The following SNX18 variants were observed in gnomAD, a reference collection of about 807,000 sequenced individuals.
SNX18 encodes the protein sorting nexin 18.
SNX18 carries 35 observed loss-of-function variants against 48.7 expected under a neutral mutation model. The observed-to-expected ratio is 0.72, with a 90% CI of 0.55 to 0.95. The LOEUF (loss-of-function observed/expected upper bound fraction) is 0.95. SNX18 is among the 40% of genes least tolerant of loss of function. SNX18 has a pLI of 0.00. For missense variants in SNX18, 824 were observed against 871.0 expected, an observed-to-expected ratio of 0.95 and a Z score of 0.68; for synonymous variants, 492 against 384.7, an observed-to-expected ratio of 1.28 and a Z score of -3.26.
rs763997720 is a variant in SNX18 at position 54,518,431 on chromosome 5, A to G, written c.479A>G (p.Asp160Gly). The G allele has an allele frequency of 6.3e-7, 1 of 1,580,792 alleles. No individual in the cohort carries two copies. Among genetic ancestry groups the G allele is most frequent in the African/African-American group, 1.4e-5 (1 of 73,800 alleles). Reference protein sequence around the residue: ...SDDDWDDEWDDSSTVADEPGA... With the variant: ...SDDDWDDEWDGSSTVADEPGA... ...GATGACTGGGACGACGAGTGGGACG[A>G]CAGCTCCACGGTGGCGGACGAGCCG... Residue 160 changes from aspartate to glycine, a missense_variant, in exon 1 of 2, where the codon GAC (aspartate) becomes GGC (glycine). Coordinates refer to ENST00000381410, the MANE Select transcript of SNX18 (RefSeq NM_001102575.2).
At chr5:54,525,029 G>T (rs148124245) in intron 1 of SNX18, among the ~76,000 whole-genome samples, 54 of 152,362 alleles carry the variant, frequency 3.5e-4, no homozygotes, top group Admixed American at 8.5e-4. Flanking sequence ...GAGCCTCATC[G>T]CAGTGGGAGC....
the SNX18 span, among the ~76,000 whole-genome samples, chr5:54,578,459 C>T: frequency 6.6e-6 from 1 of 152,198 alleles, no homozygotes; most frequent in Non-Finnish European, 1.5e-5. Flanking sequence ...AGTGGCTCTG[C>T]CTCCAAGGAA....
rs1338799555 is a variant in SNX18 at position 54,543,529 on chromosome 5, T to C, written c.*97T>C. On this transcript the variant is annotated 3_prime_UTR_variant, in exon 2 of 2. Transcript: ENST00000381410. ...AAGAGCTATTGCCAGCTATCAGTGGTGGTACAAGGACGGTTTTGTGTTCAT... is the reference window on the plus strand; with the variant it reads ...AAGAGCTATTGCCAGCTATCAGTGGCGGTACAAGGACGGTTTTGTGTTCAT... 1.4e-6 allele frequency: 2 copies of C among 1,451,826 alleles called. No homozygotes were observed. The highest frequency in any genetic ancestry group is 1.9e-6 in the Non-Finnish European group (2 of 1,066,876). The allele number at this position is 1,451,826 out of a possible 1,614,324, so 89.9% of individuals were successfully genotyped here.
At chr5:54,596,255 T>C in the SNX18 span, among the ~76,000 whole-genome samples, 1 of 151,992 alleles carries the variant, frequency 6.6e-6, no homozygotes, top group African/African-American at 2.4e-5. Context: ...AAAAAGGAAT[T>C]GTATAATATA....
At chr5:54,546,937 G>C (rs940763928), downstream of SNX18, among the ~76,000 whole-genome samples, 4 of 152,210 alleles carry the variant, frequency 2.6e-5, no homozygotes, top group African/African-American at 9.6e-5. Flanking sequence ...CCATAAATAG[G>C]CGAACTCCAA....
chr5:54,538,958 G>A (rs1047677964), intron 1 of SNX18, among the ~76,000 whole-genome samples: 4 of 152,134 alleles, frequency 2.6e-5, no homozygotes, highest in Admixed American at 6.5e-5. Context: ...TTGATTACAC[G>A]TAGCTCTCCT....
At chr5:54,539,230 T>A (rs2548647) in intron 1 of SNX18, among the ~76,000 whole-genome samples, 98,834 of 151,808 alleles carry the variant, frequency 0.65, 32,307 homozygotes, top group African/African-American at 0.71. Context: ...TGCTTTGAAG[T>A]CAGTTATGCA....
chr5:54,642,916 T>C, the SNX18 span, among the ~76,000 whole-genome samples: 1 of 152,122 alleles, frequency 6.6e-6, no homozygotes, highest in South Asian at 2.1e-4. Context: ...TCTTGACACA[T>C]GTGTACTGAA....
At chr5:54,569,747 G>A in the SNX18 span, among the ~76,000 whole-genome samples, 1 of 152,136 alleles carries the variant, frequency 6.6e-6, no homozygotes, top group Non-Finnish European at 1.5e-5. Context: ...GGCTCTAAGA[G>A]TGAGTGTTCT....
Position 54,519,463 on chromosome 5 carries a change from G to T in SNX18, c.1511G>T (p.Gly504Val). ...ACCGGAGATGCCTATGACGCCATTG[G>T]CGAGCTCTTCGCGGAGCAGCCCAGG... ...AFTGDAYDAI[G>V]ELFAEQPRQD... Residue 504 changes from glycine to valine, a missense_variant, in exon 1 of 2, where the codon GGC becomes GTC. Physicochemically the swap from Gly to Val is moderately radical, Grantham distance 109. Transcript: ENST00000381410. 1 of 1,614,208 alleles carries T rather than the reference G, an allele frequency of 6.2e-7. No individual in the cohort carries two copies. The highest frequency in any genetic ancestry group is 2.2e-5 in the East Asian group (1 of 44,876).
At chr5:54,601,064 C>T in the SNX18 span, among the ~76,000 whole-genome samples, 1 of 151,474 alleles carries the variant, frequency 6.6e-6, no homozygotes, top group African/African-American at 2.4e-5. Flanking sequence ...ATCTATTCCT[C>T]CCTCCATCCC....
chr5:54,647,385 G>T, the SNX18 span, among the ~76,000 whole-genome samples: 1 of 152,092 alleles, frequency 6.6e-6, no homozygotes, highest in South Asian at 2.1e-4. Context: ...CCTGACCCAG[G>T]AGAGTTTTCT....
intron 1 of SNX18, among the ~76,000 whole-genome samples, chr5:54,530,906 C>A (rs1762243701): frequency 6.6e-6 from 1 of 151,746 alleles, no homozygotes; most frequent in Non-Finnish European, 1.5e-5. Flanking sequence ...TGCCCGCCAC[C>A]ACACCCAGCT....
chr5:54,612,679 T>C, the SNX18 span, among the ~76,000 whole-genome samples: 2 of 152,234 alleles, frequency 1.3e-5, no homozygotes, highest in Non-Finnish European at 2.9e-5. Flanking sequence ...CAAGGCATGG[T>C]GCAGCTGATC....
chr5:54,529,024 AG>A (rs1451446785), intron 1 of SNX18, among the ~76,000 whole-genome samples: 2 of 152,174 alleles, frequency 1.3e-5, no homozygotes, highest in Admixed American at 6.5e-5. Context: ...TGGAGGTGAT[AG>A]CGGAAACACG....
chr5:54,530,798 C>G (rs1762241544), intron 1 of SNX18, among the ~76,000 whole-genome samples: 1 of 124,410 alleles, frequency 8.0e-6, no homozygotes, highest in African/African-American at 3.2e-5. Flanking sequence ...GTTGCCCAGG[C>G]TGGAGTGCAG....
At chr5:54,520,641 C>G (rs1762009287) in intron 1 of SNX18, 1 of 166,806 alleles carries the variant, frequency 6.0e-6, no homozygotes, top group African/African-American at 2.4e-5. Flanking sequence ...TGATCTCTGG[C>G]ATGTCTTTTC....
Position 54,518,737 on chromosome 5 carries a change from T to C in SNX18, c.785T>C (p.Leu262Pro). 2 of 1,605,542 alleles carry C rather than the reference T, an allele frequency of 1.2e-6. No homozygotes were observed. Among genetic ancestry groups the C allele is most frequent in the Non-Finnish European group, 1.7e-6 (2 of 1,175,650 alleles). ...VKDGDKLCVVLGPYGPEWQEN... is the reference protein window; with the variant it reads ...VKDGDKLCVVPGPYGPEWQEN... ...GACGGGGACAAGCTGTGCGTGGTGCTGGGGCCCTATGGCCCCGAGTGGCAG... is the reference window on the plus strand; with the variant it reads ...GACGGGGACAAGCTGTGCGTGGTGCCGGGGCCCTATGGCCCCGAGTGGCAG... The change falls in exon 1 of 2, where the codon CTG (leucine) becomes CCG (proline). Residue 262 changes from leucine to proline, a missense_variant. Physicochemically the swap from Leu to Pro is moderately conservative, Grantham distance 98 (BLOSUM62 -3). Coordinates refer to ENST00000381410, the MANE Select transcript of SNX18 (RefSeq NM_001102575.2).
the SNX18 span, among the ~76,000 whole-genome samples, chr5:54,598,053 G>T: frequency 2.0e-5 from 3 of 152,060 alleles, no homozygotes; most frequent in Non-Finnish European, 4.4e-5. Context: ...AAATGATAGA[G>T]GTATCAGCAC....
Sources: allele counts gnomAD v4.1 joint callset (sites outside exome capture counted in the v4.1 genomes callset), GRCh38; gene constraint gnomAD v4.1.1; transcripts MANE v1.5; gene names NCBI Gene and HGNC (gene_info 2026-07-23, HGNC 2026-07-21).